PPP6R2: variants seen among roughly 807,000 people sequenced by gnomAD.
PPP6R2 encodes the protein protein phosphatase 6 regulatory subunit 2, also known as serine/threonine-protein phosphatase 6 regulatory subunit 2.
PPP6R2 carries 62 observed loss-of-function variants against 100.2 expected under a neutral mutation model. The ratio of observed to expected loss-of-function variants is 0.62; its 90% CI spans 0.50 to 0.76. PPP6R2 has a LOEUF of 0.76. Among genes scored for constraint, PPP6R2 ranks in the 30% least tolerant of loss-of-function variants. The probability of loss-of-function intolerance (pLI) is 0.00; values close to 1 mark genes in which losing one functional copy is unlikely to be tolerated. For missense variants in PPP6R2, 1,142 were observed against 1,276.3 expected, an observed-to-expected ratio of 0.89 and a Z score of 1.60; for synonymous variants, 525 against 514.7, an observed-to-expected ratio of 1.02 and a Z score of -0.27.
chr22:50,392,496 C>T (rs1057076862), intron 2 of PPP6R2, among the ~76,000 whole-genome samples: 7 of 152,236 alleles, frequency 4.6e-5, no homozygotes, highest in South Asian at 2.1e-4. Context: ...GGGCAGTGCC[C>T]GCCCAGTGGT....
At chr22:50,370,589 G>A (rs544330387) in intron 1 of PPP6R2, among the ~76,000 whole-genome samples, 4 of 149,530 alleles carry the variant, frequency 2.7e-5, no homozygotes, top group South Asian at 2.1e-4. Context: ...GCCTGGCCAC[G>A]CTATGTTTTA....
At chr22:50,360,933 A>G (rs571975625) in intron 1 of PPP6R2, among the ~76,000 whole-genome samples, 1 of 152,310 alleles carries the variant, frequency 6.6e-6, no homozygotes, top group East Asian at 1.9e-4. Flanking sequence ...TGCTGAATGA[A>G]CTGACTGATG....
intron 3 of PPP6R2, among the ~76,000 whole-genome samples, chr22:50,394,809 G>C (rs1439684712): frequency 6.6e-6 from 1 of 151,386 alleles, no homozygotes; most frequent in East Asian, 1.9e-4. Flanking sequence ...CTGTACTCAG[G>C]AGGCTGAGGC....
At chr22:50,416,226 G>A (rs765455413) in intron 6 of PPP6R2, 69 bp downstream of exon 6, 54 of 1,403,832 alleles carry the variant, frequency 3.8e-5, no homozygotes, top group Non-Finnish European at 4.5e-5. Flanking sequence ...CCACTGCTGC[G>A]GGCCAGGGGG....
In PPP6R2 at chr22:50,356,732, C is replaced by T. The variant is rs557245615; in HGVS notation, c.-148+13182C>T. Among the ~76,000 whole-genome samples the T allele has an allele frequency of 4.6e-5, 7 of 151,774 alleles. No individual in the cohort carries two copies. The South Asian group carries it at 6.2e-4, about 14-fold the overall frequency. On this transcript the variant is annotated intron_variant, in intron 1 of 23. Transcript: ENST00000612753. The stretch of plus-strand genomic sequence containing the variant: ...CGGGTGGATCACAAGGTCGGGAGTT[C>T]GAGACCAGCCTGACCAACATGGTGA...
At chr22:50,364,230 T>TGGA (rs1035039266) in intron 1 of PPP6R2, among the ~76,000 whole-genome samples, 2 of 152,292 alleles carry the variant, frequency 1.3e-5, no homozygotes, top group South Asian at 2.1e-4. Flanking sequence ...GCCAGTGGAA[T>TGGA]GGATAGCCTG....
chr22:50,363,008 G>A (rs1569293504), intron 1 of PPP6R2, among the ~76,000 whole-genome samples: 2 of 152,218 alleles, frequency 1.3e-5, no homozygotes, highest in African/African-American at 4.8e-5. Flanking sequence ...TTAGCCACTG[G>A]TGGCCTGAGG....
intron 2 of PPP6R2, among the ~76,000 whole-genome samples, chr22:50,389,530 G>A (rs776599470): frequency 2.0e-5 from 3 of 151,790 alleles, no homozygotes; most frequent in Admixed American, 2.0e-4. Flanking sequence ...AACTCTTAAA[G>A]GATGTCTCTG....
At chr22:50,338,764 A>AGT (rs1327414240), upstream of PPP6R2, among the ~76,000 whole-genome samples, 1 of 75,912 alleles carries the variant, frequency 1.3e-5, no homozygotes, top group Middle Eastern at 0.014. Flanking sequence ...TGTGGTAGGT[A>AGT]GTGTGTGTGG....
chr22:50,359,538 A>G (rs2047373135), intron 1 of PPP6R2, among the ~76,000 whole-genome samples: 1 of 151,442 alleles, frequency 6.6e-6, no homozygotes, highest in Non-Finnish European at 1.5e-5. Flanking sequence ...TTTTTTTATG[A>G]TGAAAAAGGT....
intron 2 of PPP6R2, among the ~76,000 whole-genome samples, chr22:50,384,886 G>A (rs567348838): frequency 3.3e-5 from 5 of 152,068 alleles, no homozygotes; most frequent in Admixed American, 1.3e-4. Context: ...GACTATAGGC[G>A]CACAGCACCA....
chr22:50,443,816 G>A (rs1475781943), intron 22 of PPP6R2, 50 bp from the exon 23 acceptor site: 3 of 1,525,958 alleles, frequency 2.0e-6, no homozygotes, highest in African/African-American at 2.7e-5. Context: ...GAGGCGGGGT[G>A]GCACTGAGGG....
At chr22:50,377,016 G>A (rs1362057863) in intron 2 of PPP6R2, among the ~76,000 whole-genome samples, 1 of 151,862 alleles carries the variant, frequency 6.6e-6, no homozygotes, top group Non-Finnish European at 1.5e-5. Flanking sequence ...AACAGAGCGA[G>A]ACTCCGTCTC....
At chr22:50,331,313 T>G in the PPP6R2 span, among the ~76,000 whole-genome samples, 2 of 152,188 alleles carry the variant, frequency 1.3e-5, no homozygotes, top group Admixed American at 1.3e-4. Context: ...TTTTTTGGCA[T>G]AGATATGTAG....
upstream of PPP6R2, among the ~76,000 whole-genome samples, chr22:50,340,428 GTGTGGTGTGTGTGGTA>G (rs1292529608): frequency 2.8e-5 from 4 of 142,404 alleles, no homozygotes; most frequent in Admixed American, 7.5e-5. Flanking sequence ...TGTGTGGTGT[GTGTGGTGTGTGTGGTA>G]TGTGGTGTGT....
the PPP6R2 span, among the ~76,000 whole-genome samples, chr22:50,332,661 G>GGC: frequency 7.1e-6 from 1 of 141,708 alleles, no homozygotes. Context: ...GTCTCGCTCT[G>GGC]TCACCAGGCT....
upstream of PPP6R2, among the ~76,000 whole-genome samples, chr22:50,339,622 AGTGTGTGTTATGTG>A (rs1380747460): frequency 7.7e-5 from 4 of 52,038 alleles, no homozygotes; most frequent in South Asian, 6.4e-4. Flanking sequence ...TGTGGTATGT[AGTGTGTGTTATGTG>A]GTGTGTGTGT....
chr22:50,412,128 A>G (rs1349474423), intron 4 of PPP6R2, among the ~76,000 whole-genome samples: 1 of 152,198 alleles, frequency 6.6e-6, no homozygotes, highest in Non-Finnish European at 1.5e-5. Flanking sequence ...TATCACAACT[A>G]GAATATTGAT....
chr22:50,417,380 C>T (rs1405032944), intron 6 of PPP6R2, among the ~76,000 whole-genome samples: 3 of 152,200 alleles, frequency 2.0e-5, no homozygotes, highest in Non-Finnish European at 4.4e-5. Flanking sequence ...AAGGCATGAA[C>T]TCCAGGACGG....
Sources: gnomAD v4.1 joint callset for allele counts (sites outside exome capture counted in the v4.1 genomes callset) on GRCh38, gnomAD v4.1.1 for gene constraint, MANE v1.5 for transcripts, NCBI Gene and HGNC (gene_info 2026-07-23, HGNC 2026-07-21) for gene names.